Variants in COL27A1 observed in about 807,000 individuals in gnomAD.
The protein encoded by COL27A1 is collagen type XXVII alpha 1 chain, also known as collagen alpha-1(XXVII) chain.
Under a neutral mutation model 251.3 loss-of-function variants are expected in COL27A1, and 106 were observed. The observed-to-expected ratio is 0.42, with a 90% CI of 0.36 to 0.50. The LOEUF (loss-of-function observed/expected upper bound fraction) is 0.50, where lower values mean the gene tolerates loss of function less well. Among genes scored for constraint, COL27A1 ranks in the 20% least tolerant of loss-of-function variants. The pLI is 0.00. For synonymous variants in COL27A1, 1,000 were observed against 986.3 expected (o/e 1.01, Z -0.26); for missense variants, 2,325 against 2,522.8 (o/e 0.92, Z 1.68).
intron 25 of COL27A1, among the ~76,000 whole-genome samples, chr9:114,251,380 A>G (rs1006645861): frequency 6.6e-6 from 1 of 151,562 alleles, no homozygotes; most frequent in East Asian, 1.9e-4. Context: ...CTATCACTCT[A>G]TGTGGCCCAG....
At chr9:114,294,678 A>G (rs1828148728) in intron 49 of COL27A1, among the ~76,000 whole-genome samples, 1 of 152,236 alleles carries the variant, frequency 6.6e-6, no homozygotes, top group African/African-American at 2.4e-5. Context: ...CTAGGTATAG[A>G]AGTTCCTCAA....
At chr9:114,208,904 G>A (rs979816153) in intron 10 of COL27A1, among the ~76,000 whole-genome samples, 3 of 152,084 alleles carry the variant, frequency 2.0e-5, no homozygotes, top group Non-Finnish European at 4.4e-5. Flanking sequence ...CCTGGTGGAG[G>A]GGACAGAGTG....
rs907916353 is a variant in COL27A1 at position 114,200,821 on chromosome 9, C to T, written c.2125-4281C>T. On this transcript the variant is annotated intron_variant, in intron 7 of 60. Transcript: ENST00000356083. ...GGCCCAGTCTGGGGTGTGGGCTGCC[C>T]GGGAGGTAGCGAAGTTCAGCAGAGA... 5.3e-5 allele frequency among the ~76,000 whole-genome samples: 8 copies of T among 152,280 alleles called. No homozygotes were observed. The South Asian group carries it at 1.0e-3, about 20-fold the overall frequency.
At chr9:114,185,226 G>A (rs561081290) in intron 5 of COL27A1, among the ~76,000 whole-genome samples, 13 of 152,348 alleles carry the variant, frequency 8.5e-5, no homozygotes, top group Non-Finnish European at 1.2e-4. Context: ...GGGAACCATG[G>A]ACTCAGGGCC....
chr9:114,207,216 C>T (rs761496533), intron 10 of COL27A1, among the ~76,000 whole-genome samples: 2 of 152,152 alleles, frequency 1.3e-5, no homozygotes, highest in Non-Finnish European at 2.9e-5. Flanking sequence ...TATATTTTGG[C>T]AGGAGGGAGA....
intron 37 of COL27A1, 111 bp downstream of exon 37, chr9:114,275,879 C>T: frequency 3.1e-6 from 2 of 653,502 alleles, no homozygotes; most frequent in South Asian, 3.9e-5. Flanking sequence ...GAAGGATCTT[C>T]TGCTGTGGTC....
chr9:114,176,542 G>C (rs964524618), intron 3 of COL27A1, among the ~76,000 whole-genome samples: 1 of 135,990 alleles, frequency 7.4e-6, no homozygotes, highest in East Asian at 2.1e-4. Flanking sequence ...TAGGTGGGTG[G>C]GGGGGGGTGC....
At chr9:114,301,863 C>T (rs1230938937) in intron 55 of COL27A1, 146 bp downstream of exon 55, 4 of 927,936 alleles carry the variant, frequency 4.3e-6, no homozygotes, top group Non-Finnish European at 5.0e-6. Context: ...TATAGGGCAT[C>T]CCCCGAACAT....
At chr9:114,190,355 T>C (rs1828670740) in intron 5 of COL27A1, among the ~76,000 whole-genome samples, 1 of 152,220 alleles carries the variant, frequency 6.6e-6, no homozygotes, top group Non-Finnish European at 1.5e-5. Context: ...CACTGCAGCC[T>C]TGACCTCCTG....
chr9:114,277,539 A>G (rs1449617927), intron 37 of COL27A1, among the ~76,000 whole-genome samples: 5 of 152,180 alleles, frequency 3.3e-5, no homozygotes, highest in Non-Finnish European at 1.5e-5. Context: ...TGGTTGTGGG[A>G]AAATATTTGT....
chr9:114,275,979 G>T (rs1835478053), intron 37 of COL27A1, among the ~76,000 whole-genome samples: 1 of 152,198 alleles, frequency 6.6e-6, no homozygotes, highest in African/African-American at 2.4e-5. Context: ...CCTCCTGGCT[G>T]CCCTGCCCTG....
intron 14 of COL27A1, among the ~76,000 whole-genome samples, chr9:114,224,536 G>A (rs1313422908): frequency 6.6e-6 from 1 of 151,722 alleles, no homozygotes; most frequent in Non-Finnish European, 1.5e-5. Flanking sequence ...GTTCCTATTT[G>A]TCATCATCCC....
chr9:114,297,705 C>G (rs1412046370), intron 49 of COL27A1, among the ~76,000 whole-genome samples: 1 of 151,878 alleles, frequency 6.6e-6, no homozygotes, highest in Non-Finnish European at 1.5e-5. Context: ...TGTGAAAATC[C>G]CACAGGTATC....
rs147536130 is a variant in COL27A1, at chr9:114,236,906, CAGG to C, written c.2620-70_2620-68del. The stretch of plus-strand genomic sequence containing the variant: ...GGGCGTTCTCTGGGCCTGGGACCAG[CAGG>C]AGGACTGGGCGGCTGTTCACCTGGC... On this transcript the variant is annotated intron_variant, in intron 17 of 60. Transcript: ENST00000356083. 2,266 of 1,386,410 alleles carry C rather than the reference CAGG, an allele frequency of 1.6e-3. 19 individuals are homozygous for C. In the African/African-American group the frequency reaches 0.028, roughly 17 times the overall value. 85.9% of individuals were successfully genotyped at this position (1,386,410 alleles called of 1,614,324 possible). A position where few individuals can be genotyped will look rare whatever the true frequency, so the allele number is the denominator to read the frequency against.
At chr9:114,164,581 A>C (rs192620409) in intron 2 of COL27A1, among the ~76,000 whole-genome samples, 2 of 152,172 alleles carry the variant, frequency 1.3e-5, no homozygotes, top group African/African-American at 4.8e-5. Context: ...CCATGTGTGG[A>C]GAAAGATGTG....
At chr9:114,172,930 G>C (rs1269980237) in intron 3 of COL27A1, among the ~76,000 whole-genome samples, 2 of 152,230 alleles carry the variant, frequency 1.3e-5, no homozygotes, top group African/African-American at 4.8e-5. Context: ...TCTCCCCTTA[G>C]AAATGACTGT....
At chr9:114,294,639 A>G (rs534738578) in intron 49 of COL27A1, among the ~76,000 whole-genome samples, 27 of 152,356 alleles carry the variant, frequency 1.8e-4, no homozygotes, top group African/African-American at 6.3e-4. Context: ...AGAAAAATCT[A>G]ACTCCACTTC....
chr9:114,198,139 C>T (rs1829290414), intron 7 of COL27A1, among the ~76,000 whole-genome samples: 1 of 152,190 alleles, frequency 6.6e-6, no homozygotes, highest in Admixed American at 6.5e-5. Flanking sequence ...TTCGTGCTTA[C>T]CAGCACATTG....
chr9:114,255,502 T>A (rs1833861363), intron 27 of COL27A1, among the ~76,000 whole-genome samples: 1 of 152,070 alleles, frequency 6.6e-6, no homozygotes. Flanking sequence ...TGGGACACAA[T>A]GGAAGGCCAG....
Sources: gnomAD v4.1 joint callset for allele counts (sites outside exome capture counted in the v4.1 genomes callset) on GRCh38, gnomAD v4.1.1 for gene constraint, MANE v1.5 for transcripts, NCBI Gene and HGNC (gene_info 2026-07-23, HGNC 2026-07-21) for gene names.